CAB39: variants seen among roughly 807,000 people sequenced by gnomAD.
CAB39 encodes the protein calcium-binding protein 39.
CAB39 carries 8 observed loss-of-function variants against 40.0 expected under a neutral mutation model. That is an observed-to-expected ratio of 0.20 (90% CI 0.12 to 0.36). The LOEUF (loss-of-function observed/expected upper bound fraction) is 0.36, where lower values mean the gene tolerates loss of function less well. Among genes scored for constraint, CAB39 ranks in the 10% least tolerant of loss-of-function variants. The probability of loss-of-function intolerance (pLI) is 1.00; values close to 1 mark genes in which losing one functional copy is unlikely to be tolerated. For synonymous variants in CAB39, 156 were observed against 141.6 expected, an observed-to-expected ratio of 1.10 and a Z score of -0.72; for missense variants, 270 against 401.1, an observed-to-expected ratio of 0.67 and a Z score of 2.79.
At chr2:230,730,633 A>AG (rs1694671313) in intron 1 of CAB39, among the ~76,000 whole-genome samples, 1 of 151,972 alleles carries the variant, frequency 6.6e-6, no homozygotes, top group Non-Finnish European at 1.5e-5. Context: ...TAGTAGAGAC[A>AG]GGGTTCCATC....
chr2:230,717,040 T>G (rs1236609544), intron 1 of CAB39, among the ~76,000 whole-genome samples: 1 of 152,038 alleles, frequency 6.6e-6, no homozygotes, highest in African/African-American at 2.4e-5. Flanking sequence ...AAATAAAAAT[T>G]CATTTTCCTC....
intron 2 of CAB39, among the ~76,000 whole-genome samples, chr2:230,767,429 T>C (rs1695406275): frequency 6.6e-6 from 1 of 152,194 alleles, no homozygotes; most frequent in South Asian, 2.1e-4. Context: ...TGCTCACTGC[T>C]TCACTGGTCT....
At chr2:230,793,392 G>GA (rs138833763) in intron 4 of CAB39, 61 bp downstream of exon 4, 203 of 777,326 alleles carry the variant, frequency 2.6e-4, no homozygotes, top group South Asian at 6.0e-4. Flanking sequence ...ATTGCCTTGG[G>GA]AAAAAAAACA....
At position 230,748,868 on chromosome 2, in the gene CAB39, A is replaced by AC. The variant is rs1553669218; in HGVS notation, c.-43-11091_-43-11090insC. Among the ~76,000 whole-genome samples the AC allele has an allele frequency of 5.5e-3, 682 of 123,306 alleles. 17 individuals are homozygous for AC. The highest frequency in any genetic ancestry group is 0.012 in the Middle Eastern group (3 of 246). 80.9% of individuals were successfully genotyped at this position (123,306 alleles called of 152,430 possible). The stretch of plus-strand genomic sequence containing the variant: ...TATATATATATATATATATATATAT[A>AC]ACAAAATGGTAATTTTTTCCTATCC... On this transcript the variant is annotated intron_variant, in intron 1 of 8. Coordinates refer to ENST00000258418, the MANE Select transcript of CAB39 (RefSeq NM_016289.4).
At chr2:230,746,832 C>T (rs1441526705) in intron 1 of CAB39, among the ~76,000 whole-genome samples, 1 of 152,088 alleles carries the variant, frequency 6.6e-6, no homozygotes, top group African/African-American at 2.4e-5. Context: ...TTCAGTCCCA[C>T]TTGGCAAATG....
chr2:230,752,975 C>T (rs971879561), intron 1 of CAB39, among the ~76,000 whole-genome samples: 2 of 151,932 alleles, frequency 1.3e-5, no homozygotes, highest in African/African-American at 4.8e-5. Flanking sequence ...ATTGGTCGGG[C>T]TAGAAATGGA....
intron 1 of CAB39, among the ~76,000 whole-genome samples, chr2:230,727,410 CTTT>C (rs1213702262): frequency 3.9e-4 from 40 of 101,622 alleles, no homozygotes; most frequent in African/African-American, 1.8e-3. Flanking sequence ...ATTTTTTTTT[CTTT>C]TTCTTTTTTT....
At chr2:230,815,347 G>T (rs1430736122) in intron 7 of CAB39, among the ~76,000 whole-genome samples, 1 of 152,290 alleles carries the variant, frequency 6.6e-6, no homozygotes, top group Admixed American at 6.5e-5. Context: ...ATCTTTGGGG[G>T]GTTGGACAGA....
rs1357046017 is a variant in CAB39, at chr2:230,726,924, C to T, written c.-44+13694C>T. ...GACAGGAATCAGGGTGCTTAGCATA[C>T]GAGATTGTATGCTGATGCCCTTTGG... On this transcript the variant is annotated intron_variant, in intron 1 of 8. Transcript: ENST00000258418. Among the ~76,000 whole-genome samples the T allele has an allele frequency of 2.0e-5, 3 of 149,650 alleles. No homozygotes were observed. The South Asian group carries it at 6.4e-4, about 32-fold the overall frequency.
chr2:230,758,817 T>C (rs965082952), intron 1 of CAB39, among the ~76,000 whole-genome samples: 3 of 152,078 alleles, frequency 2.0e-5, no homozygotes, highest in Non-Finnish European at 4.4e-5. Flanking sequence ...ATCCATAAGG[T>C]TTTTCTAAAA....
At chr2:230,788,417 A>G (rs1695832820) in intron 2 of CAB39, among the ~76,000 whole-genome samples, 1 of 152,120 alleles carries the variant, frequency 6.6e-6, no homozygotes, top group South Asian at 2.1e-4. Flanking sequence ...TTTTTGTTCT[A>G]CATATGTTAT....
intron 7 of CAB39, among the ~76,000 whole-genome samples, chr2:230,816,051 A>G (rs901949079): frequency 6.6e-6 from 1 of 152,146 alleles, no homozygotes; most frequent in Non-Finnish European, 1.5e-5. Flanking sequence ...AGGTGGGTGG[A>G]TGGATGGAGG....
intron 3 of CAB39, 114 bp downstream of exon 3, chr2:230,791,150 A>C: frequency 1.2e-6 from 1 of 805,958 alleles, no homozygotes; most frequent in South Asian, 2.2e-5. Context: ...GCTCAGGGTT[A>C]CTGACCTCTG....
At position 230,820,403 on chromosome 2, in the gene CAB39, G is replaced by C. The variant is rs558859519; in HGVS notation, c.*1699G>C. 1 of 152,142 alleles carries C rather than the reference G, an allele frequency of 6.6e-6. No individual in the cohort carries two copies. The highest frequency in any genetic ancestry group is 1.5e-5 in the Non-Finnish European group (1 of 68,036). The allele number at this position is 152,142 out of a possible 1,614,324, so 9.4% of individuals were successfully genotyped here. On this transcript the variant is annotated 3_prime_UTR_variant, in exon 9 of 9. Transcript: ENST00000258418. ...ATATTTTATTTTTATTAAAATGGCAGTCTACATCATAATTGGCATTTCTCA... is the reference window on the plus strand; with the variant it reads ...ATATTTTATTTTTATTAAAATGGCACTCTACATCATAATTGGCATTTCTCA...
In CAB39 at chr2:230,793,144, A is replaced by G. The variant is rs1261606065; in HGVS notation, c.280-69A>G. The G allele has an allele frequency of 3.6e-6, 3 of 842,034 alleles. No homozygotes were observed. The East Asian group carries it at 7.5e-5, about 21-fold the overall frequency. The allele number at this position is 842,034 out of a possible 1,614,324, so 52.2% of individuals were successfully genotyped here. ...AAGTACAATGGCCTTATTCGAGTTC[A>G]TTTGGGAGGGTGAATGAGCATTTTG... On this transcript the variant is annotated intron_variant, in intron 3 of 8. Transcript: ENST00000258418.
At chr2:230,714,108 G>A (rs1694305122) in intron 1 of CAB39, 1 of 152,282 alleles carries the variant, frequency 6.6e-6, no homozygotes, top group Admixed American at 6.6e-5. Flanking sequence ...AGAAATCATG[G>A]ATAATTCCGT....
At chr2:230,811,220 T>C (rs1272609340) in intron 6 of CAB39, among the ~76,000 whole-genome samples, 1 of 152,230 alleles carries the variant, frequency 6.6e-6, no homozygotes, top group African/African-American at 2.4e-5. Context: ...CTGAGTATTA[T>C]TAATACTTCA....
Position 230,818,636 on chromosome 2 carries a change from A to G in CAB39, c.958A>G (p.Asn320Asp), listed in dbSNP as rs1168127188. ...QNDRTEDEQF[N>D]DEKTYLVKQI... ...CGACAGGACGGAGGATGAGCAGTTTAACGACGAGAAGACCTATTTAGTTAA... is the reference window on the plus strand; with the variant it reads ...CGACAGGACGGAGGATGAGCAGTTTGACGACGAGAAGACCTATTTAGTTAA... The change falls in exon 9 of 9, where the codon AAC becomes GAC. Residue 320 changes from asparagine to aspartate, a missense_variant. By Grantham distance (23) the Asn-to-Asp change is conservative. Coordinates refer to ENST00000258418, the MANE Select transcript of CAB39 (RefSeq NM_016289.4). The G allele has an allele frequency of 2.5e-6, 4 of 1,614,076 alleles. No individual in the cohort carries two copies. In the African/African-American group the frequency reaches 5.3e-5, roughly 22 times the overall value.
intron 1 of CAB39, among the ~76,000 whole-genome samples, chr2:230,738,551 A>G (rs1182759976): frequency 6.6e-6 from 1 of 152,210 alleles, no homozygotes; most frequent in Non-Finnish European, 1.5e-5. Context: ...CTCAGCAGAA[A>G]TTATCCTTGG....
Sources: allele counts gnomAD v4.1 joint callset (sites outside exome capture counted in the v4.1 genomes callset), GRCh38; gene constraint gnomAD v4.1.1; transcripts MANE v1.5; gene names NCBI Gene and HGNC (gene_info 2026-07-23, HGNC 2026-07-21).